The following SLC4A10 variants were observed in gnomAD, a reference collection of about 807,000 sequenced individuals.
SLC4A10 encodes sodium-driven chloride bicarbonate exchanger.
Under a neutral mutation model 137.7 loss-of-function variants are expected in SLC4A10, and 42 were observed. The observed-to-expected ratio is 0.30, with a 90% CI of 0.24 to 0.39. The LOEUF is 0.39. SLC4A10 is among the 10% of genes least tolerant of loss of function. The pLI is 1.00. For synonymous variants in SLC4A10, 474 were observed against 464.1 expected, an observed-to-expected ratio of 1.02 and a Z score of -0.27; for missense variants, 925 against 1,355.0, an observed-to-expected ratio of 0.68 and a Z score of 4.98.
intron 11 of SLC4A10, among the ~76,000 whole-genome samples, chr2:161,897,393 C>T (rs1250353577): frequency 6.6e-6 from 1 of 152,056 alleles, no homozygotes; most frequent in Non-Finnish European, 1.5e-5. Context: ...TTCAGCCTTG[C>T]CTGACTCTGC....
intron 1 of SLC4A10, among the ~76,000 whole-genome samples, chr2:161,729,960 T>C (rs921286314): frequency 6.6e-6 from 1 of 152,154 alleles, no homozygotes; most frequent in African/African-American, 2.4e-5. Context: ...TTTGCTGGAA[T>C]ATAAAGCCGG....
At chr2:161,895,758 T>A (rs1016387964) in intron 11 of SLC4A10, among the ~76,000 whole-genome samples, 1 of 152,000 alleles carries the variant, frequency 6.6e-6, no homozygotes, top group South Asian at 2.1e-4. Flanking sequence ...TTTGATGGGG[T>A]TGTTTGTTTT....
intron 8 of SLC4A10, 134 bp from the exon 9 acceptor site, chr2:161,878,997 G>T: frequency 1.5e-6 from 1 of 683,618 alleles, no homozygotes; most frequent in Non-Finnish European, 2.2e-6. Context: ...AAGGGCAAAT[G>T]AGATGTTTAA....
intron 15 of SLC4A10, among the ~76,000 whole-genome samples, chr2:161,923,576 A>G (rs887572639): frequency 7.9e-5 from 12 of 152,122 alleles, no homozygotes; most frequent in Admixed American, 6.6e-4. Context: ...TCGCGAGGAC[A>G]AAAAACCAAA....
rs192317691 is a variant in SLC4A10 at position 161,983,190 on chromosome 2, G to T, written c.*38G>T. ...TTTTCCTTCTGTAGCATTGAAAGCC[G>T]AAAAGAGAAGAAAGCTGACTCAGGG... is the stretch of plus-strand genomic sequence containing the variant. On this transcript the variant is annotated 3_prime_UTR_variant, in exon 27 of 27. Coordinates refer to ENST00000446997, the MANE Select transcript of SLC4A10 (RefSeq NM_001178015.2). 3 of 1,536,702 alleles carry T rather than the reference G, an allele frequency of 2.0e-6. No individual in the cohort carries two copies. The highest frequency in any genetic ancestry group is 1.7e-6 in the Non-Finnish European group (2 of 1,147,020).
intron 3 of SLC4A10, among the ~76,000 whole-genome samples, chr2:161,813,534 G>T (rs2056757901): frequency 6.6e-6 from 1 of 152,042 alleles, no homozygotes; most frequent in South Asian, 2.1e-4. Flanking sequence ...TCTCTTTCAT[G>T]AAGGAACGTC....
At chr2:161,842,264 C>T (rs182602445) in intron 4 of SLC4A10, among the ~76,000 whole-genome samples, 74 of 152,186 alleles carry the variant, frequency 4.9e-4, no homozygotes, top group Non-Finnish European at 4.4e-5. Flanking sequence ...GTAAACTTAC[C>T]TTCATAAAAT....
chr2:161,792,105 A>C (rs945955633), intron 2 of SLC4A10, among the ~76,000 whole-genome samples: 16 of 152,138 alleles, frequency 1.1e-4, no homozygotes, highest in African/African-American at 3.9e-4. Flanking sequence ...AAGGCATAAT[A>C]ACTCACTCAC....
intron 23 of SLC4A10, among the ~76,000 whole-genome samples, chr2:161,971,597 C>G (rs1448386007): frequency 1.3e-5 from 2 of 152,206 alleles, no homozygotes; most frequent in Non-Finnish European, 2.9e-5. Context: ...TCTTTCTTCT[C>G]TGATCTGATT....
chr2:161,979,354 G>A (rs928467021), intron 26 of SLC4A10, among the ~76,000 whole-genome samples: 10 of 152,166 alleles, frequency 6.6e-5, no homozygotes, highest in Admixed American at 2.0e-4. Flanking sequence ...AATATAATGT[G>A]CTTTAAAGCA....
At chr2:161,653,828 G>C in intron 1 of SLC4A10, among the ~76,000 whole-genome samples, 1 of 152,174 alleles carries the variant, frequency 6.6e-6, no homozygotes, top group East Asian at 1.9e-4. Context: ...CATGGATACT[G>C]TGAATAATGC....
chr2:161,868,225 C>G (rs1348201202), intron 6 of SLC4A10, among the ~76,000 whole-genome samples: 2 of 151,740 alleles, frequency 1.3e-5, no homozygotes, highest in East Asian at 3.9e-4. Flanking sequence ...GAGAATATAC[C>G]TTTTTTTCCA....
At chr2:161,767,202 G>GTATATATATACACATA (rs2050980137) in intron 1 of SLC4A10, among the ~76,000 whole-genome samples, 3 of 67,604 alleles carry the variant, frequency 4.4e-5, no homozygotes, top group African/African-American at 5.9e-5. Context: ...GTGTGTGTGT[G>GTATATATATACACATA]TATATATATA....
At chr2:161,671,830 A>T (rs952922169) in intron 1 of SLC4A10, among the ~76,000 whole-genome samples, 1 of 152,248 alleles carries the variant, frequency 6.6e-6, no homozygotes, top group Admixed American at 6.5e-5. Context: ...GATGAAAATT[A>T]TCTCTGATAT....
chr2:161,713,540 A>T (rs757381716), intron 1 of SLC4A10, among the ~76,000 whole-genome samples: 2 of 151,904 alleles, frequency 1.3e-5, no homozygotes, highest in Non-Finnish European at 1.5e-5. Context: ...CTTGTCCGTG[A>T]TGTAAACTCC....
intron 1 of SLC4A10, among the ~76,000 whole-genome samples, chr2:161,667,590 T>G (rs1016534843): frequency 2.0e-5 from 3 of 151,760 alleles, no homozygotes; most frequent in Non-Finnish European, 4.4e-5. Flanking sequence ...TAAACTAGTG[T>G]TGTGGATTTT....
rs776460353 is a variant in SLC4A10 at position 161,708,792 on chromosome 2, C to G, written c.49-62181C>G. On this transcript the variant is annotated intron_variant, in intron 1 of 26. Coordinates refer to ENST00000446997, the MANE Select transcript of SLC4A10 (RefSeq NM_001178015.2). ...TCTGGAAATAGAAAGGTCATGCAGT[C>G]TGGAACCTGTGAGCCTTTTCAATCT... is the stretch of plus-strand genomic sequence containing the variant. 7 of 1,532,712 alleles carry G rather than the reference C, an allele frequency of 4.6e-6. No individual in the cohort carries two copies. The South Asian group carries it at 8.3e-5, about 18-fold the overall frequency. The allele number at this position is 1,532,712 out of a possible 1,614,324, so 94.9% of individuals were successfully genotyped here.
intron 1 of SLC4A10, among the ~76,000 whole-genome samples, chr2:161,690,598 G>A (rs2124915283): frequency 6.6e-6 from 1 of 152,262 alleles, no homozygotes; most frequent in South Asian, 2.1e-4. Flanking sequence ...ATATACCCTG[G>A]AATACTATAT....
intron 24 of SLC4A10, among the ~76,000 whole-genome samples, 190 bp from the exon 25 acceptor site, chr2:161,976,570 A>T (rs557905906): frequency 6.6e-6 from 1 of 152,324 alleles, no homozygotes; most frequent in East Asian, 1.9e-4. Flanking sequence ...TGTATTTAGT[A>T]ACCCTGAACT....
Sources: allele counts gnomAD v4.1 joint callset (sites outside exome capture counted in the v4.1 genomes callset), GRCh38; gene constraint gnomAD v4.1.1; transcripts MANE v1.5; gene names NCBI Gene and HGNC (gene_info 2026-07-23, HGNC 2026-07-21).